The following GPC6 variants were observed in gnomAD, a reference collection of about 807,000 sequenced individuals.
GPC6 encodes the protein glypican-6.
In GPC6, 14 loss-of-function variants were observed where a neutral mutation model predicts 55.2. That is an observed-to-expected ratio of 0.25 (90% CI 0.17 to 0.40). The LOEUF is 0.40. Ranked by LOEUF, GPC6 falls within the 10% of genes least tolerant of loss-of-function variation. The pLI, the probability that GPC6 is intolerant of heterozygous loss-of-function variation, is 1.00. For synonymous variants in GPC6, 278 were observed against 259.6 expected, an observed-to-expected ratio of 1.07 and a Z score of -0.68; for missense variants, 641 against 708.5, an observed-to-expected ratio of 0.90 and a Z score of 1.08.
At chr13:94,385,543 G>T (rs1399006911) in intron 7 of GPC6, among the ~76,000 whole-genome samples, 2 of 152,140 alleles carry the variant, frequency 1.3e-5, no homozygotes, top group East Asian at 3.8e-4. Context: ...TTATGCATAA[G>T]TATATTATTA....
chr13:93,405,226 G>A (rs1876241407), intron 1 of GPC6, among the ~76,000 whole-genome samples: 1 of 151,918 alleles, frequency 6.6e-6, no homozygotes, highest in African/African-American at 2.4e-5. Context: ...GTTCTTTTTT[G>A]ACCAAATCCA....
intron 2 of GPC6, among the ~76,000 whole-genome samples, chr13:93,555,920 G>C (rs1438469051): frequency 1.3e-5 from 2 of 152,166 alleles, no homozygotes; most frequent in African/African-American, 4.8e-5. Context: ...TGAGAGGTTA[G>C]TTAGCAGGAT....
At chr13:93,470,826 A>T (rs139074277) in intron 1 of GPC6, among the ~76,000 whole-genome samples, 3 of 152,108 alleles carry the variant, frequency 2.0e-5, no homozygotes, top group African/African-American at 4.8e-5. Context: ...TTTAAATCGG[A>T]TGATAAATGT....
At chr13:93,346,312 A>G (rs1265933077) in intron 1 of GPC6, among the ~76,000 whole-genome samples, 3 of 152,210 alleles carry the variant, frequency 2.0e-5, no homozygotes, top group Non-Finnish European at 4.4e-5. Flanking sequence ...GGGCAAGTGT[A>G]AAGCTGAATG....
At chr13:93,860,486 C>T (rs1191148440) in intron 3 of GPC6, among the ~76,000 whole-genome samples, 1 of 151,534 alleles carries the variant, frequency 6.6e-6, no homozygotes, top group Admixed American at 6.6e-5. Context: ...TCAGTTAACT[C>T]ATAGACCTAA....
At chr13:93,618,903 A>G (rs56242871) in intron 2 of GPC6, among the ~76,000 whole-genome samples, 5,924 of 152,210 alleles carry the variant, frequency 0.039, 388 homozygotes, top group African/African-American at 0.13. Context: ...ATCGTTGAGT[A>G]TACATCTACA....
chr13:94,261,757 G>A (rs756737868), intron 4 of GPC6, among the ~76,000 whole-genome samples: 33 of 152,172 alleles, frequency 2.2e-4, no homozygotes, highest in Admixed American at 1.9e-3. Flanking sequence ...AGTCAGTAGC[G>A]TCCAGTGTGA....
chr13:93,828,901 A>G (rs148876801), intron 2 of GPC6, among the ~76,000 whole-genome samples: 2,451 of 152,278 alleles, frequency 0.016, 49 homozygotes, highest in Admixed American at 0.059. Flanking sequence ...TCTTCAGCCA[A>G]CTTCTAAGAA....
rs1475329180 is a variant in GPC6, at chr13:93,918,093, TC to T, written c.711+87549del. The stretch of plus-strand genomic sequence containing the variant: ...TCCTGGGTGACATAGAGAGACTCCG[TC>T]AAAAAAAAAAAAAAATCACATCTAA... On this transcript the variant is annotated intron_variant, in intron 3 of 8. Coordinates refer to ENST00000377047, the MANE Select transcript of GPC6 (RefSeq NM_005708.5). Among the ~76,000 whole-genome samples the T allele has an allele frequency of 6.1e-4, 74 of 120,582 alleles. 1 individual carries two copies. Among genetic ancestry groups the T allele is most frequent in the African/African-American group, 2.2e-3 (69 of 30,864 alleles). The allele number at this position is 120,582 out of a possible 152,430, so 79.1% of individuals were successfully genotyped here.
chr13:93,543,528 G>T (rs1882413702), intron 1 of GPC6, among the ~76,000 whole-genome samples: 3 of 152,006 alleles, frequency 2.0e-5, no homozygotes, highest in Non-Finnish European at 4.4e-5. Context: ...TCAGGATGAT[G>T]CTGGCCTCAT....
chr13:94,074,024 A>G (rs548734590), intron 4 of GPC6, among the ~76,000 whole-genome samples: 1 of 152,278 alleles, frequency 6.6e-6, no homozygotes, highest in African/African-American at 2.4e-5. Flanking sequence ...CATCTGGCAG[A>G]GTTTCTGTTG....
chr13:94,180,369 T>C (rs1888947679), intron 4 of GPC6, among the ~76,000 whole-genome samples: 2 of 152,332 alleles, frequency 1.3e-5, no homozygotes, highest in South Asian at 2.1e-4. Flanking sequence ...ACAGGCTGTT[T>C]AGTGGTATCC....
chr13:93,429,036 C>A lies in GPC6; in HGVS notation c.161-116227C>A, dbSNP rs73552652. Among the ~76,000 whole-genome samples the A allele has an allele frequency of 4.0e-3, 608 of 152,144 alleles. 8 individuals carry two copies. The highest frequency in any genetic ancestry group is 0.014 in the African/African-American group (588 of 41,506). On this transcript the variant is annotated intron_variant, in intron 1 of 8. Coordinates refer to ENST00000377047, the MANE Select transcript of GPC6 (RefSeq NM_005708.5). ...CTGCATCCCAGAATTCTTCATTAAACCTGGCCACCTTCTGTACACTCTTAA... is the reference window on the plus strand; with the variant it reads ...CTGCATCCCAGAATTCTTCATTAAAACTGGCCACCTTCTGTACACTCTTAA...
chr13:93,817,796 G>C (rs905053739), intron 2 of GPC6, among the ~76,000 whole-genome samples: 1 of 151,834 alleles, frequency 6.6e-6, no homozygotes, highest in Non-Finnish European at 1.5e-5. Context: ...GGAGGGGAAG[G>C]TTGCAGAGCC....
chr13:93,992,639 A>G (rs1881362614), intron 3 of GPC6, among the ~76,000 whole-genome samples: 1 of 152,160 alleles, frequency 6.6e-6, no homozygotes, highest in Admixed American at 6.5e-5. Flanking sequence ...ACAGGGGCAA[A>G]TCAATGCAAG....
intron 2 of GPC6, among the ~76,000 whole-genome samples, chr13:93,688,947 A>G (rs925745991): frequency 1.3e-5 from 2 of 152,058 alleles, no homozygotes; most frequent in African/African-American, 4.8e-5. Context: ...TTAGCACAAT[A>G]TATTTCTAAA....
chr13:94,274,515 T>A (rs1248549369), intron 4 of GPC6, among the ~76,000 whole-genome samples: 1 of 152,202 alleles, frequency 6.6e-6, no homozygotes, highest in Non-Finnish European at 1.5e-5. Flanking sequence ...TTTCTGTAGC[T>A]ACATCTGATT....
intron 4 of GPC6, among the ~76,000 whole-genome samples, chr13:94,190,327 G>A (rs1052402037): frequency 6.6e-6 from 1 of 151,612 alleles, no homozygotes; most frequent in Admixed American, 6.6e-5. Flanking sequence ...AAAAAAGTAT[G>A]CAGAAAAAAT....
chr13:93,412,014 AT>A lies in GPC6; in HGVS notation c.161-133248del, dbSNP rs1332436075. ...AGGGACTATGTCTCAAAAAAAAAAA[AT>A]AAATAAAATAAAAATAAATAGCCAT... is the stretch of plus-strand genomic sequence containing the variant. On this transcript the variant is annotated intron_variant, in intron 1 of 8. Coordinates refer to ENST00000377047, the MANE Select transcript of GPC6 (RefSeq NM_005708.5). Among the ~76,000 whole-genome samples, 11 of 150,974 alleles carry A rather than the reference AT, an allele frequency of 7.3e-5. No individual in the cohort carries two copies. In the East Asian group the frequency reaches 2.2e-3, roughly 30 times the overall value.
Sources: gnomAD v4.1 joint callset for allele counts (sites outside exome capture counted in the v4.1 genomes callset) on GRCh38, gnomAD v4.1.1 for gene constraint, MANE v1.5 for transcripts, NCBI Gene and HGNC (gene_info 2026-07-23, HGNC 2026-07-21) for gene names.